TTBK2: variants seen among roughly 807,000 people sequenced by gnomAD.
TTBK2 encodes the protein tau tubulin kinase 2, also known as tau-tubulin kinase 2.
TTBK2 carries 28 observed loss-of-function variants against 110.8 expected under a neutral mutation model. That is an observed-to-expected ratio of 0.25 (90% CI 0.19 to 0.35). TTBK2 has a LOEUF of 0.35. Ranked by LOEUF, TTBK2 falls within the 10% of genes least tolerant of loss-of-function variation. TTBK2 has a pLI of 1.00. For missense variants in TTBK2, 1,369 were observed against 1,500.3 expected (o/e 0.91, Z 1.45); for synonymous variants, 532 against 527.3 (o/e 1.01, Z -0.12).
At chr15:42,866,919 G>C (rs1894392770) in intron 3 of TTBK2, among the ~76,000 whole-genome samples, 1 of 151,910 alleles carries the variant, frequency 6.6e-6, no homozygotes, top group South Asian at 2.1e-4. Context: ...TGCTTGAAGG[G>C]GAATTTATAG....
intron 1 of TTBK2, among the ~76,000 whole-genome samples, chr15:42,896,858 A>C (rs1266878155): frequency 1.3e-5 from 2 of 152,064 alleles, no homozygotes; most frequent in Non-Finnish European, 2.9e-5. Context: ...ACTATTATTA[A>C]AATTTTTTTA....
chr15:42,785,483 A>C (rs1402229346), intron 10 of TTBK2, among the ~76,000 whole-genome samples: 1 of 152,198 alleles, frequency 6.6e-6, no homozygotes, highest in Admixed American at 6.6e-5. Context: ...AAGAGGAAGG[A>C]AATTCTTGCC....
intron 1 of TTBK2, among the ~76,000 whole-genome samples, chr15:42,900,324 A>G (rs1003851573): frequency 2.0e-5 from 3 of 152,196 alleles, no homozygotes; most frequent in African/African-American, 7.2e-5. Context: ...AATTAAAAAC[A>G]TAAAACAGTA....
At chr15:42,875,093 T>A (rs1453838711) in intron 2 of TTBK2, among the ~76,000 whole-genome samples, 2 of 150,646 alleles carry the variant, frequency 1.3e-5, no homozygotes, top group Admixed American at 1.3e-4. Flanking sequence ...CCTTTCTAAC[T>A]AAGGACTGGT....
chr15:42,763,084 T>TTATATATATATATATATACGTATATA (rs1457008934), intron 13 of TTBK2, among the ~76,000 whole-genome samples: 1 of 108,792 alleles, frequency 9.2e-6, no homozygotes, highest in Admixed American at 9.6e-5. Flanking sequence ...GTTAACAATT[T>TTATATATATATATATATACGTATATA]TATATATATA....
chr15:42,912,297 A>G (rs2030806165), intron 1 of TTBK2, among the ~76,000 whole-genome samples: 1 of 152,202 alleles, frequency 6.6e-6, no homozygotes, highest in Non-Finnish European at 1.5e-5. Context: ...TCCATTTAGA[A>G]GACTATTACC....
intron 3 of TTBK2, among the ~76,000 whole-genome samples, chr15:42,860,471 G>C (rs1007917133): frequency 6.6e-6 from 1 of 151,902 alleles, no homozygotes; most frequent in African/African-American, 2.4e-5. Context: ...AAATTAGCCA[G>C]GCACAGTAGC....
intron 11 of TTBK2, 46 bp from the exon 12 acceptor site, chr15:42,777,288 A>G (rs1425837589): frequency 6.4e-7 from 1 of 1,573,096 alleles, no homozygotes; most frequent in East Asian, 2.2e-5. Context: ...TCTAGGCAAC[A>G]CACATGAGAG....
chr15:42,881,566 A>T (rs1346988702), intron 1 of TTBK2, among the ~76,000 whole-genome samples: 1 of 152,048 alleles, frequency 6.6e-6, no homozygotes, highest in East Asian at 1.9e-4. Flanking sequence ...AAGAAATGAG[A>T]CATAAAGAAA....
rs1417136945 is a variant in TTBK2 at position 42,743,152 on chromosome 15, G to A, written c.*2643C>T. The stretch of plus-strand genomic sequence containing the variant: ...CTTTAGAAAGTATCAGAGCAGAAAC[G>A]TCTTTGGTTAATTCTTTCCTCTACA... On this transcript the variant is annotated 3_prime_UTR_variant, in exon 15 of 15. Transcript: ENST00000267890. 7 of 152,166 alleles carry A rather than the reference G, an allele frequency of 4.6e-5. No individual in the cohort carries two copies. Among genetic ancestry groups the A allele is most frequent in the South Asian group, 2.1e-4 (1 of 4,832 alleles). 9.4% of individuals were successfully genotyped at this position (152,166 alleles called of 1,614,324 possible). A position where few individuals can be genotyped will look rare whatever the true frequency, so the allele number is the denominator to read the frequency against.
chr15:42,850,242 T>C (rs368851574), intron 3 of TTBK2, among the ~76,000 whole-genome samples: 1 of 152,196 alleles, frequency 6.6e-6, no homozygotes. Flanking sequence ...ATGCTTTCTC[T>C]GGGCATTAGG....
intron 11 of TTBK2, among the ~76,000 whole-genome samples, chr15:42,780,101 C>A (rs961135923): frequency 8.6e-5 from 13 of 151,562 alleles, no homozygotes; most frequent in Admixed American, 3.3e-4. Flanking sequence ...TGGCTCACTG[C>A]AGCTTCTCCT....
rs983654288 is a variant in TTBK2, at chr15:42,912,101, C to T, written c.-68+8337G>A. Among the ~76,000 whole-genome samples the T allele has an allele frequency of 2.0e-5, 3 of 152,132 alleles. No homozygotes were observed. In the South Asian group the frequency reaches 6.2e-4, roughly 32 times the overall value. On this transcript the variant is annotated intron_variant, in intron 1 of 14. Transcript: ENST00000267890. ...CCGCTGGTTGCACAAGCTTGGTCTA[C>T]GTGAAAAGGGTGCTTATTGGGAGAA...
intron 13 of TTBK2, among the ~76,000 whole-genome samples, chr15:42,754,770 A>C (rs141979472): frequency 0.06 from 8,585 of 143,200 alleles, 761 homozygotes; most frequent in African/African-American, 0.19. Context: ...GCACTTTGGG[A>C]GGCCGAGGTG....
At chr15:42,917,199 C>T (rs542379860) in intron 1 of TTBK2, among the ~76,000 whole-genome samples, 2 of 151,584 alleles carry the variant, frequency 1.3e-5, no homozygotes, top group Admixed American at 1.3e-4. Flanking sequence ...TATAAACACT[C>T]CAAAACACCA....
intron 9 of TTBK2, chr15:42,802,150 C>A: frequency 7.1e-7 from 1 of 1,405,516 alleles, no homozygotes; most frequent in Non-Finnish European, 1.0e-6. Flanking sequence ...CTCCTGGGTG[C>A]GCACGGCCTG....
chr15:42,909,597 G>T (rs1271445722), intron 1 of TTBK2, among the ~76,000 whole-genome samples: 1 of 151,922 alleles, frequency 6.6e-6, no homozygotes, highest in Non-Finnish European at 1.5e-5. Context: ...CATTTTGGGG[G>T]GCCATTATTG....
intron 13 of TTBK2, among the ~76,000 whole-genome samples, chr15:42,757,907 A>G (rs1237178422): frequency 6.6e-6 from 1 of 152,178 alleles, no homozygotes; most frequent in East Asian, 1.9e-4. Context: ...TCTTAGTTCT[A>G]TTAGTGCCTA....
intron 1 of TTBK2, 70 bp from the exon 2 acceptor site, chr15:42,878,754 C>A: frequency 1.2e-5 from 19 of 1,534,792 alleles, no homozygotes; most frequent in Non-Finnish European, 1.7e-5. Context: ...AACATTCCAG[C>A]ATCAGGAAGC....
Sources: gnomAD v4.1 joint callset for allele counts (sites outside exome capture counted in the v4.1 genomes callset) on GRCh38, gnomAD v4.1.1 for gene constraint, MANE v1.5 for transcripts, NCBI Gene and HGNC (gene_info 2026-07-23, HGNC 2026-07-21) for gene names.